Variants in TGFB1 observed in about 807,000 individuals in gnomAD.
The protein encoded by TGFB1 is transforming growth factor beta 1.
In TGFB1, 19 loss-of-function variants were observed where a neutral mutation model predicts 43.8. That is an observed-to-expected ratio of 0.43 (90% confidence interval 0.30 to 0.64). The LOEUF is 0.64. Among genes scored for constraint, TGFB1 ranks in the 30% least tolerant of loss-of-function variants. The probability of loss-of-function intolerance (pLI) is 0.11; values close to 1 mark genes in which losing one functional copy is unlikely to be tolerated. For missense variants in TGFB1, 445 were observed against 529.8 expected (o/e 0.84, Z 1.57); for synonymous variants, 221 against 236.3 (o/e 0.94, Z 0.60).
intron 3 of TGFB1, among the ~76,000 whole-genome samples, chr19:41,343,580 C>T (rs1363707423): frequency 1.3e-5 from 2 of 151,946 alleles, no homozygotes; most frequent in Admixed American, 6.6e-5. Flanking sequence ...GGGCGTTCCC[C>T]CATCCTGCAT....
chr19:41,333,827 T>C (rs2123083444), intron 5 of TGFB1, among the ~76,000 whole-genome samples: 1 of 152,356 alleles, frequency 6.6e-6, no homozygotes, highest in East Asian at 1.9e-4. Context: ...TCCAAGTGAC[T>C]GTTAGTTCCA....
At position 41,345,968 on chromosome 19, in the gene TGFB1, C is replaced by G. The variant is rs117745570; in HGVS notation, c.517-1104G>C. 1.1e-3 allele frequency among the ~76,000 whole-genome samples: 160 copies of G among 152,152 alleles called. 1 individual carries two copies. Among genetic ancestry groups the G allele is most frequent in the Non-Finnish European group, 1.7e-3 (116 of 68,012 alleles). On this transcript the variant is annotated intron_variant, in intron 2 of 6. Transcript: ENST00000221930. ...TATCCCAAGATTTCCACTTCTAGAG[C>G]CTGAGAAGCTTTAGAAGACTAATGT...
rs192448128 is a variant in TGFB1, at chr19:41,331,792, C to T, written c.1014+336G>A. 1.9e-3 allele frequency among the ~76,000 whole-genome samples: 286 copies of T among 151,690 alleles called. 1 individual carries two copies. The highest frequency in any genetic ancestry group is 2.9e-3 in the Non-Finnish European group (195 of 67,960). On this transcript the variant is annotated intron_variant, in intron 6 of 6. Transcript: ENST00000221930. ...GTATCTGTCTTTGTCTCTCCTTGGCCTAACTCTGTGTCTGTATCTGTCTCT... is the reference window on the plus strand; with the variant it reads ...GTATCTGTCTTTGTCTCTCCTTGGCTTAACTCTGTGTCTGTATCTGTCTCT...
At chr19:41,349,684 G>C (rs1373394959) in intron 1 of TGFB1, among the ~76,000 whole-genome samples, 6 of 152,132 alleles carry the variant, frequency 3.9e-5, no homozygotes, top group Admixed American at 1.3e-4. Context: ...TTGAACCTGA[G>C]AGGCAGAGGT....
At chr19:41,334,597 TGAG>T (rs1232186603) in intron 5 of TGFB1, among the ~76,000 whole-genome samples, 2 of 151,534 alleles carry the variant, frequency 1.3e-5, no homozygotes, top group Non-Finnish European at 2.9e-5. Context: ...CAGGCAGACT[TGAG>T]GACCCTGTCT....
rs138863196 is a variant in TGFB1 at position 41,352,677 on chromosome 19, C to T, written c.355+13G>A. The T allele has an allele frequency of 6.2e-6, 10 of 1,612,568 alleles. No individual in the cohort carries two copies. Among genetic ancestry groups the T allele is most frequent in the African/African-American group, 1.3e-5 (1 of 74,912 alleles). ...GGGCCCCCCTCCCGGCTCCCCTGCC[C>T]CTCCGAGCTCACCGTTGTGGGTTTC... On this transcript the variant is annotated intron_variant, in intron 1 of 6. Transcript: ENST00000221930.
At position 41,351,512 on chromosome 19, in the gene TGFB1, T is replaced by A. The variant is rs970522687; in HGVS notation, c.355+1178A>T. Among the ~76,000 whole-genome samples, 17 of 152,096 alleles carry A rather than the reference T, an allele frequency of 1.1e-4. No homozygotes were observed. In the East Asian group the frequency reaches 2.9e-3, roughly 26 times the overall value. On this transcript the variant is annotated intron_variant, in intron 1 of 6. Transcript: ENST00000221930. ...GCGATCCCCGCCTCCGCCGGGGGCA[T>A]GGGAAGGAAAGGGAAGGGAGGGGGA...
At chr19:41,331,525 C>T (rs1202948267) in intron 6 of TGFB1, among the ~76,000 whole-genome samples, 1 of 151,382 alleles carries the variant, frequency 6.6e-6, no homozygotes, top group African/African-American at 2.4e-5. Context: ...GCCTCAGCCT[C>T]CGGAGTAGCT....
intron 1 of TGFB1, 119 bp from the exon 2 acceptor site, chr19:41,348,574 CTTTTATTTATTTATTTA>C: frequency 2.2e-6 from 1 of 458,018 alleles, no homozygotes; most frequent in East Asian, 4.9e-5. Context: ...TCTCTGATAC[CTTTTATTTATTTATTTA>C]TTTATTTATT....
At position 41,332,194 on chromosome 19, in the gene TGFB1, G is replaced by C. The variant is rs1179823929; in HGVS notation, c.948C>G (p.Gly316=). 1 of 1,614,172 alleles carries C rather than the reference G, an allele frequency of 6.2e-7. No individual in the cohort carries two copies. ...GCCCGAGGCAGAAGTTGGCATGGTA[G>C]CCCTTGGGCTCGTGGATCCACTTCC... ...LGWKWIHEPK[G]YHANFCLGPC... Residue 316 remains glycine, a synonymous_variant, in exon 6 of 7, where the codon GGC becomes GGG. Coordinates refer to ENST00000221930, the MANE Select transcript of TGFB1 (RefSeq NM_000660.7).
At chr19:41,345,222 C>T (rs11466327) in intron 2 of TGFB1, among the ~76,000 whole-genome samples, 3 of 152,122 alleles carry the variant, frequency 2.0e-5, no homozygotes, top group African/African-American at 4.8e-5. Context: ...CTGGGCCGGG[C>T]GCAGTGGCTC....
intron 1 of TGFB1, among the ~76,000 whole-genome samples, chr19:41,348,881 C>A (rs539360862): frequency 9.9e-5 from 15 of 152,214 alleles, no homozygotes; most frequent in Admixed American, 3.3e-4. Context: ...CTCGGCCTCC[C>A]AAAGTGCTGG....
In TGFB1 at chr19:41,353,491, A is replaced by AG. The variant is rs1000610360; in HGVS notation, c.-448dup. 1.2e-5 allele frequency: 2 copies of AG among 160,022 alleles called. No homozygotes were observed. The highest frequency in any genetic ancestry group is 4.8e-5 in the African/African-American group (2 of 41,534). The allele number at this position is 160,022 out of a possible 1,614,324, so 9.9% of individuals were successfully genotyped here. On this transcript the variant is annotated 5_prime_UTR_variant, in exon 1 of 7. Coordinates refer to ENST00000221930, the MANE Select transcript of TGFB1 (RefSeq NM_000660.7). The surrounding 1 kb of genome is among the most constrained non-coding windows in gnomAD (Gnocchi z 5.9). ...TGGGGGCGCCTGAGGGACGCCGTGT[A>AG]GGGGGCAGGGAGGGAGCAAGCGTCC...
chr19:41,331,441 C>T (rs1276656245), intron 6 of TGFB1, among the ~76,000 whole-genome samples: 1 of 152,100 alleles, frequency 6.6e-6, no homozygotes, highest in Non-Finnish European at 1.5e-5. Context: ...CTCGCTCTGC[C>T]ACCCAGGCTG....
At chr19:41,338,996 T>TA (rs1283906561) in intron 5 of TGFB1, among the ~76,000 whole-genome samples, 2 of 151,966 alleles carry the variant, frequency 1.3e-5, no homozygotes, top group African/African-American at 4.8e-5. Context: ...GCTTTCCCCT[T>TA]CTTTGCATTG....
At position 41,348,429 on chromosome 19, in the gene TGFB1, T is replaced by C. The variant is rs1261360179; in HGVS notation, c.382A>G (p.Thr128Ala). 2 of 1,613,194 alleles carry C rather than the reference T, an allele frequency of 1.2e-6. No individual in the cohort carries two copies. The highest frequency in any genetic ancestry group is 1.7e-6 in the Non-Finnish European group (2 of 1,179,602). The change falls in exon 2 of 7, where the codon ACA (threonine) becomes GCA (alanine). Residue 128 changes from threonine (T) to alanine (A), a missense_variant. Around this residue, in one of 3 missense-constraint regions of TGFB1, gnomAD observed 366 missense variants for 428.8 expected, o/e 0.85. Transcript: ENST00000221930. Reference sequence around the variant, plus strand: ...TTGAAGAACATATATATGCTGTGTGTACTCTGCTTGAACTTGTCATAGATT... The same window carrying C: ...TTGAAGAACATATATATGCTGTGTGCACTCTGCTTGAACTTGTCATAGATT... ...NEIYDKFKQS[T>A]HSIYMFFNTS... is the part of the protein sequence containing the mutation.
intron 5 of TGFB1, among the ~76,000 whole-genome samples, chr19:41,333,644 C>A (rs2037959627): frequency 6.6e-6 from 1 of 152,180 alleles, no homozygotes; most frequent in African/African-American, 2.4e-5. Flanking sequence ...CTGGCATGAG[C>A]CACCACACCT....
At chr19:41,336,177 T>C (rs999972844) in intron 5 of TGFB1, among the ~76,000 whole-genome samples, 1 of 151,836 alleles carries the variant, frequency 6.6e-6, no homozygotes, top group African/African-American at 2.4e-5. Context: ...TCTGTATTTT[T>C]AGTAGAGACA....
In TGFB1 at chr19:41,352,773, T is replaced by C. The variant is rs1599898619; in HGVS notation, c.272A>G (p.Glu91Gly). 5 of 1,611,064 alleles carry C rather than the reference T, an allele frequency of 3.1e-6. No homozygotes were observed. The highest frequency in any genetic ancestry group is 3.4e-6 in the Non-Finnish European group (4 of 1,178,314). Reference protein sequence around the residue: ...YNSTRDRVAGESAEPEPEPEA... With the variant: ...YNSTRDRVAGGSAEPEPEPEA... ...AGGCTCGGGCTCCGGTTCTGCACTC[T>C]CCCCGGCCACCCGGTCGCGGGTGCT... The change falls in exon 1 of 7, where the codon GAG becomes GGG. Residue 91 changes from glutamate to glycine, a missense_variant. Physicochemically the swap from Glu to Gly is moderately conservative, Grantham distance 98. Coordinates refer to ENST00000221930, the MANE Select transcript of TGFB1 (RefSeq NM_000660.7).
Sources: allele counts gnomAD v4.1 joint callset (sites outside exome capture counted in the v4.1 genomes callset), GRCh38; gene constraint gnomAD v4.1.1; regional missense constraint gnomAD v4.1.1; non-coding constraint Gnocchi (gnomAD v3.1); transcripts MANE v1.5; gene names NCBI Gene and HGNC (gene_info 2026-07-23, HGNC 2026-07-21).